The following GUCY1A2 variants were observed in gnomAD, a reference collection of about 807,000 sequenced individuals.
GUCY1A2 encodes the protein guanylate cyclase soluble subunit alpha-2.
Under a neutral mutation model 63.5 loss-of-function variants are expected in GUCY1A2, and 27 were observed. The observed-to-expected ratio is 0.43, with a 90% CI of 0.31 to 0.59. The LOEUF is 0.59. Ranked by LOEUF, GUCY1A2 falls within the 20% of genes least tolerant of loss-of-function variation. The pLI is 0.11. For missense variants in GUCY1A2, 768 were observed against 913.3 expected (o/e 0.84, Z 2.05); for synonymous variants, 364 against 343.5 (o/e 1.06, Z -0.66).
At chr11:106,979,919 TG>T (rs1861313214) in intron 2 of GUCY1A2, among the ~76,000 whole-genome samples, 1 of 152,086 alleles carries the variant, frequency 6.6e-6, no homozygotes, top group African/African-American at 2.4e-5. Flanking sequence ...GAGAGTGCTA[TG>T]GTACTTTTCC....
chr11:106,708,360 C>T lies in GUCY1A2; in HGVS notation c.1991+152G>A, dbSNP rs1591239368. On this transcript the variant is annotated intron_variant, in intron 7 of 7. Transcript: ENST00000526355. ...AGAGTGCAAATAAAAGTTTGTGTCACAATTACTATCTATCTTTTGGGTTTG... is the reference window on the plus strand; with the variant it reads ...AGAGTGCAAATAAAAGTTTGTGTCATAATTACTATCTATCTTTTGGGTTTG... 7 of 542,914 alleles carry T rather than the reference C, an allele frequency of 1.3e-5. No individual in the cohort carries two copies. In the East Asian group the frequency reaches 1.9e-4, roughly 15 times the overall value. 33.6% of individuals were successfully genotyped at this position (542,914 alleles called of 1,614,324 possible). A position where few individuals can be genotyped will look rare whatever the true frequency, so the allele number is the denominator to read the frequency against.
At chr11:106,697,839 C>T (rs998465625) in intron 7 of GUCY1A2, among the ~76,000 whole-genome samples, 3 of 152,076 alleles carry the variant, frequency 2.0e-5, no homozygotes, top group African/African-American at 7.2e-5. Flanking sequence ...TCAATTATTT[C>T]TTTAAAGTTT....
intron 4 of GUCY1A2, among the ~76,000 whole-genome samples, chr11:106,936,316 G>C (rs1860676564): frequency 6.6e-6 from 1 of 152,114 alleles, no homozygotes; most frequent in Non-Finnish European, 1.5e-5. Context: ...CAAATTCTCA[G>C]AACAATATTT....
At chr11:106,984,588 G>A (rs868465597) in intron 2 of GUCY1A2, among the ~76,000 whole-genome samples, 7 of 152,160 alleles carry the variant, frequency 4.6e-5, no homozygotes, top group South Asian at 4.1e-4. Context: ...ATTTTATTTC[G>A]AAAGCGAAAG....
At position 106,674,627 on chromosome 11, in the gene GUCY1A2, T is replaced by C. The variant is rs1862315335; in HGVS notation, c.*12922A>G. 1 of 186,804 alleles carries C rather than the reference T, an allele frequency of 5.4e-6. No homozygotes were observed. Among genetic ancestry groups the C allele is most frequent in the Admixed American group, 6.2e-5 (1 of 16,120 alleles). 11.6% of individuals were successfully genotyped at this position (186,804 alleles called of 1,614,324 possible). On this transcript the variant is annotated 3_prime_UTR_variant, in exon 8 of 8. Coordinates refer to ENST00000526355, the MANE Select transcript of GUCY1A2 (RefSeq NM_000855.3). ...TAATCATGCCCTACATATATATTAG[T>C]ATATTTACCTGGTATTAGTTGATGA...
chr11:106,998,713 A>G lies in GUCY1A2; in HGVS notation c.304-12582T>C, dbSNP rs547057262. On this transcript the variant is annotated intron_variant, in intron 1 of 7. Transcript: ENST00000526355. The stretch of plus-strand genomic sequence containing the variant: ...AGCAAAATCTCTGGAATCTCTAAGC[A>G]TTATAAAACATAAGGACAACATCAG... Among the ~76,000 whole-genome samples the G allele has an allele frequency of 2.0e-5, 3 of 152,304 alleles. No homozygotes were observed. The East Asian group carries it at 5.8e-4, about 29-fold the overall frequency.
Position 106,675,980 on chromosome 11 carries a change from C to A in GUCY1A2, c.*11569G>T, listed in dbSNP as rs1565253385. The A allele has an allele frequency of 5.3e-6, 1 of 189,186 alleles. No individual in the cohort carries two copies. The highest frequency in any genetic ancestry group is 8.4e-5 in the East Asian group (1 of 11,848). The allele number at this position is 189,186 out of a possible 1,614,324, so 11.7% of individuals were successfully genotyped here. On this transcript the variant is annotated 3_prime_UTR_variant, in exon 8 of 8. Coordinates refer to ENST00000526355, the MANE Select transcript of GUCY1A2 (RefSeq NM_000855.3). ...GAAAAGTCCAAATAAGAAATGAGAA[C>A]CAAAATTCAAGGGTATTTAACTCAT...
intron 7 of GUCY1A2, among the ~76,000 whole-genome samples, chr11:106,697,085 G>C (rs778902089): frequency 3.0e-4 from 45 of 152,256 alleles, no homozygotes; most frequent in Admixed American, 1.2e-3. Flanking sequence ...AGTTTATAGA[G>C]GATCATACAA....
chr11:106,755,411 A>C (rs895875895), intron 6 of GUCY1A2, among the ~76,000 whole-genome samples: 16 of 151,290 alleles, frequency 1.1e-4, no homozygotes, highest in African/African-American at 3.9e-4. Context: ...GTTTGCTCTT[A>C]CTTCTCTATT....
At chr11:106,869,917 T>C (rs1467311235) in intron 4 of GUCY1A2, among the ~76,000 whole-genome samples, 2 of 152,126 alleles carry the variant, frequency 1.3e-5, no homozygotes, top group African/African-American at 2.4e-5. Flanking sequence ...CATGGAATAC[T>C]ATGCAGCCAT....
In GUCY1A2 at chr11:106,954,472, G is replaced by A. The variant is rs115701875; in HGVS notation, c.488-14294C>T. On this transcript the variant is annotated intron_variant, in intron 3 of 7. Transcript: ENST00000526355. ...TAAGTGCCATGTGGCACAGGAGAAG[G>A]ACGTATATTCTGTTGATCTAGGGTA... Among the ~76,000 whole-genome samples, 873 of 152,282 alleles carry A rather than the reference G, an allele frequency of 5.7e-3. 7 individuals carry two copies. Among genetic ancestry groups the A allele is most frequent in the African/African-American group, 0.02 (843 of 41,566 alleles).
chr11:106,709,044 C>T (rs77933667), intron 6 of GUCY1A2, among the ~76,000 whole-genome samples: 124 of 146,216 alleles, frequency 8.5e-4, no homozygotes, highest in African/African-American at 3.0e-3. Flanking sequence ...TTATTTGTTC[C>T]TTTCATAGCA....
At chr11:106,709,341 TA>T (rs1348050885) in intron 6 of GUCY1A2, among the ~76,000 whole-genome samples, 25 of 101,538 alleles carry the variant, frequency 2.5e-4, no homozygotes, top group African/African-American at 3.8e-4. Context: ...TAAATATATA[TA>T]AATTTATATA....
intron 4 of GUCY1A2, among the ~76,000 whole-genome samples, chr11:106,888,570 T>G (rs1262794761): frequency 6.6e-6 from 1 of 152,190 alleles, no homozygotes; most frequent in Non-Finnish European, 1.5e-5. Context: ...GACACGATTG[T>G]TTTTGTTTCC....
chr11:106,879,786 C>G (rs1339513594), intron 4 of GUCY1A2, among the ~76,000 whole-genome samples: 1 of 152,046 alleles, frequency 6.6e-6, no homozygotes, highest in Admixed American at 6.6e-5. Flanking sequence ...TAGCTAGAAC[C>G]TTGTTCTCTC....
chr11:106,760,348 T>G (rs1328960636), intron 6 of GUCY1A2, among the ~76,000 whole-genome samples: 1 of 151,902 alleles, frequency 6.6e-6, no homozygotes, highest in Non-Finnish European at 1.5e-5. Flanking sequence ...ACATTTGGAG[T>G]TGAGATTATG....
intron 6 of GUCY1A2, among the ~76,000 whole-genome samples, chr11:106,773,920 C>T (rs1864304265): frequency 6.6e-6 from 1 of 152,054 alleles, no homozygotes; most frequent in Non-Finnish European, 1.5e-5. Context: ...GATAAGTTCA[C>T]AAAAAATCCT....
intron 4 of GUCY1A2, among the ~76,000 whole-genome samples, chr11:106,833,328 C>T (rs1014238677): frequency 1.3e-5 from 2 of 152,028 alleles, no homozygotes; most frequent in Non-Finnish European, 2.9e-5. Context: ...AAGAGGTACA[C>T]AGTTAACCCA....
At chr11:106,905,524 C>T (rs1860192812) in intron 4 of GUCY1A2, among the ~76,000 whole-genome samples, 1 of 152,010 alleles carries the variant, frequency 6.6e-6, no homozygotes, top group South Asian at 2.1e-4. Context: ...AAGGGTACGC[C>T]TTCAACACAT....
Sources: allele counts gnomAD v4.1 joint callset (sites outside exome capture counted in the v4.1 genomes callset), GRCh38; gene constraint gnomAD v4.1.1; transcripts MANE v1.5; gene names NCBI Gene and HGNC (gene_info 2026-07-23, HGNC 2026-07-21).